The following LOXHD1 variants were observed in gnomAD, a reference collection of about 807,000 sequenced individuals.
The protein encoded by LOXHD1 is lipoxygenase homology PLAT domains 1.
Under a neutral mutation model 248.2 loss-of-function variants are expected in LOXHD1, and 205 were observed. That is an observed-to-expected ratio of 0.83 (90% confidence interval 0.74 to 0.93). The LOEUF (loss-of-function observed/expected upper bound fraction) is 0.93, where lower values mean the gene tolerates loss of function less well. Among genes scored for constraint, LOXHD1 ranks in the 40% least tolerant of loss-of-function variants. The pLI, the probability that LOXHD1 is intolerant of heterozygous loss-of-function variation, is 0.00. For missense variants in LOXHD1, 2,930 were observed against 2,971.6 expected (o/e 0.99, Z 0.33); for synonymous variants, 1,113 against 1,162.8 (o/e 0.96, Z 0.87).
At position 46,509,758 on chromosome 18, in the gene LOXHD1, G is replaced by T; in HGVS notation, c.5457C>A (p.Phe1819Leu). 8 of 1,548,638 alleles carry T rather than the reference G, an allele frequency of 5.2e-6. No individual in the cohort carries two copies. Among genetic ancestry groups the T allele is most frequent in the Non-Finnish European group, 6.1e-6 (7 of 1,145,130 alleles). ...CATCAATCCGGATCCGCATCTTGGT[G>T]AATGGAGCAATGTCTAGGATCTCCA... ...FIMEILDIAP[F>L]TKMRIRIDGL... The change falls in exon 35 of 41, where the codon TTC (phenylalanine) becomes TTA (leucine). Residue 1819 changes from phenylalanine (F) to leucine (L), a missense_variant. Physicochemically the swap from Phe to Leu is conservative, Grantham distance 22. Coordinates refer to ENST00000642948, the MANE Select transcript of LOXHD1 (RefSeq NM_001384474.1).
chr18:46,587,961 A>G (rs2038093503), intron 12 of LOXHD1, among the ~76,000 whole-genome samples: 1 of 152,150 alleles, frequency 6.6e-6, no homozygotes, highest in Non-Finnish European at 1.5e-5. Context: ...TTAATTTGTA[A>G]GTAAACCAGA....
chr18:46,599,417 AT>A (rs577227413), intron 8 of LOXHD1, among the ~76,000 whole-genome samples: 62 of 152,160 alleles, frequency 4.1e-4, no homozygotes, highest in Non-Finnish European at 7.8e-4. Flanking sequence ...ATGGAAAAAA[AT>A]AAAATTGAAT....
chr18:46,601,808 C>A, intron 7 of LOXHD1: 1 of 326,272 alleles, frequency 3.1e-6, no homozygotes, highest in Non-Finnish European at 6.0e-6. Flanking sequence ...ACCATGCGTA[C>A]ATTATTAATA....
At chr18:46,530,738 C>T (rs2036029101) in intron 28 of LOXHD1, among the ~76,000 whole-genome samples, 1 of 152,150 alleles carries the variant, frequency 6.6e-6, no homozygotes, top group Admixed American at 6.5e-5. Context: ...CAGCAGGGTT[C>T]CCATGATTTT....
chr18:46,517,517 T>C (rs1231439461), intron 34 of LOXHD1, among the ~76,000 whole-genome samples: 2 of 152,208 alleles, frequency 1.3e-5, no homozygotes, highest in East Asian at 3.8e-4. Flanking sequence ...AGAACAATGC[T>C]TGGCACAAAA....
In LOXHD1 at chr18:46,529,338, A is replaced by T; in HGVS notation, c.4376-7T>A. 1 of 1,532,562 alleles carries T rather than the reference A, an allele frequency of 6.5e-7. No individual in the cohort carries two copies. Among genetic ancestry groups the T allele is most frequent in the Non-Finnish European group, 8.8e-7 (1 of 1,133,436 alleles). The allele number at this position is 1,532,562 out of a possible 1,614,324, so 94.9% of individuals were successfully genotyped here. On this transcript the variant is annotated splice_region_variant and splice_polypyrimidine_tract_variant and intron_variant, in intron 28 of 40. Coordinates refer to ENST00000642948, the MANE Select transcript of LOXHD1 (RefSeq NM_001384474.1). Reference sequence around the variant, plus strand: ...TGCACCGAGTACAGCACAACTGGGCAGGTGGTGGGACAGACAGACAGACAA... The same window carrying T: ...TGCACCGAGTACAGCACAACTGGGCTGGTGGTGGGACAGACAGACAGACAA...
rs375470899 is a variant in LOXHD1 at position 46,564,933 on chromosome 18, T to A, written c.2437+1324A>T. On this transcript the variant is annotated intron_variant, in intron 17 of 40. Transcript: ENST00000642948. The stretch of plus-strand genomic sequence containing the variant: ...CCTCTCAGGGAAGCTGCTGTGGAAG[T>A]GAGCCTTGGGCAGTTGCTTTCAGGG... Among the ~76,000 whole-genome samples the A allele has an allele frequency of 2.6e-5, 4 of 152,298 alleles. No individual in the cohort carries two copies. In the East Asian group the frequency reaches 5.8e-4, roughly 22 times the overall value.
intron 21 of LOXHD1, among the ~76,000 whole-genome samples, chr18:46,549,712 G>A (rs201384122): frequency 7.0e-6 from 1 of 143,812 alleles, no homozygotes; most frequent in African/African-American, 3.0e-5. Context: ...ATAACTTTTT[G>A]TTCAACCCTT....
chr18:46,490,667 G>A (rs970136232), intron 37 of LOXHD1, among the ~76,000 whole-genome samples: 1 of 152,090 alleles, frequency 6.6e-6, no homozygotes, highest in Non-Finnish European at 1.5e-5. Flanking sequence ...TAGGGACAGG[G>A]TTTCTCCATG....
chr18:46,610,099 G>C (rs1016315822), intron 6 of LOXHD1, among the ~76,000 whole-genome samples: 12 of 152,148 alleles, frequency 7.9e-5, no homozygotes, highest in African/African-American at 2.7e-4. Flanking sequence ...AAGCAAGCAG[G>C]GTTCTAAAGT....
intron 37 of LOXHD1, among the ~76,000 whole-genome samples, chr18:46,490,493 G>A (rs2033387483): frequency 6.6e-6 from 1 of 152,214 alleles, no homozygotes; most frequent in Admixed American, 6.5e-5. Flanking sequence ...ATTTATTTAT[G>A]AGACGGAGTT....
intron 25 of LOXHD1, among the ~76,000 whole-genome samples, chr18:46,539,329 T>G (rs567865174): frequency 1.3e-5 from 2 of 152,142 alleles, no homozygotes; most frequent in Non-Finnish European, 2.9e-5. Context: ...GACGTGGCGG[T>G]GGGTATCTGT....
chr18:46,505,270 C>A lies in LOXHD1; in HGVS notation c.5878+568G>T, dbSNP rs573103690. On this transcript the variant is annotated intron_variant, in intron 37 of 40. Coordinates refer to ENST00000642948, the MANE Select transcript of LOXHD1 (RefSeq NM_001384474.1). ...AATCATAGCTCACTGCAGCCATGAC[C>A]TCCTGGGCTCAGGCAATCCTCCCAT... Among the ~76,000 whole-genome samples, 12 of 152,150 alleles carry A rather than the reference C, an allele frequency of 7.9e-5. No homozygotes were observed. The South Asian group carries it at 2.5e-3, about 32-fold the overall frequency.
At position 46,489,067 on chromosome 18, in the gene LOXHD1, C is replaced by T. The variant is rs1391597161; in HGVS notation, c.5954G>A (p.Cys1985Tyr). Residue 1985 changes from cysteine to tyrosine, a missense_variant, in exon 38 of 41, where the codon TGT becomes TAT. Transcript: ENST00000642948. Reference sequence around the variant, plus strand: ...CTCACTCTTGGAGAGCCAGCAGTCACACTGGAAGTGGAAGGTCTCGTCGCG... The same window carrying T: ...CTCACTCTTGGAGAGCCAGCAGTCATACTGGAAGTGGAAGGTCTCGTCGCG... Reference protein sequence around the residue: ...NSRDETFHFQCDCWLSKSEGD... With the variant: ...NSRDETFHFQYDCWLSKSEGD... 3 of 1,551,622 alleles carry T rather than the reference C, an allele frequency of 1.9e-6. No individual in the cohort carries two copies. Among genetic ancestry groups the T allele is most frequent in the Non-Finnish European group, 8.7e-7 (1 of 1,147,006 alleles).
At chr18:46,500,725 C>T (rs2143808885) in intron 37 of LOXHD1, among the ~76,000 whole-genome samples, 1 of 152,280 alleles carries the variant, frequency 6.6e-6, no homozygotes, top group East Asian at 1.9e-4. Context: ...GCTTCCACCC[C>T]TATTCCCTAT....
At chr18:46,562,054 G>A (rs1172596760) in intron 18 of LOXHD1, among the ~76,000 whole-genome samples, 1 of 152,220 alleles carries the variant, frequency 6.6e-6, no homozygotes, top group South Asian at 2.1e-4. Context: ...ATTGACTCTT[G>A]ATCATTACAG....
chr18:46,574,745 G>T lies in LOXHD1; in HGVS notation c.1971-2583C>A, dbSNP rs556628309. ...ATCAGCACCACTGTGTCTTTAATGG[G>T]CTCCTTTCAAAGTACAATACCCTCA... On this transcript the variant is annotated intron_variant, in intron 14 of 40. Coordinates refer to ENST00000642948, the MANE Select transcript of LOXHD1 (RefSeq NM_001384474.1). Among the ~76,000 whole-genome samples the T allele has an allele frequency of 2.6e-5, 4 of 152,116 alleles. No homozygotes were observed. In the East Asian group the frequency reaches 7.7e-4, roughly 29 times the overall value.
intron 18 of LOXHD1, 108 bp downstream of exon 18, chr18:46,562,956 GC>G (rs1231817407): frequency 7.7e-7 from 1 of 1,295,240 alleles, no homozygotes; most frequent in Non-Finnish European, 1.0e-6. Flanking sequence ...CTGGAGGGAG[GC>G]AGCCCATTCT....
chr18:46,615,633 C>G (rs2038575430), intron 5 of LOXHD1, among the ~76,000 whole-genome samples: 2 of 151,994 alleles, frequency 1.3e-5, no homozygotes, highest in African/African-American at 4.8e-5. Context: ...TGTATATGTT[C>G]ATTATATGCT....
Sources: gnomAD v4.1 joint callset for allele counts (sites outside exome capture counted in the v4.1 genomes callset) on GRCh38, gnomAD v4.1.1 for gene constraint, MANE v1.5 for transcripts, NCBI Gene and HGNC (gene_info 2026-07-23, HGNC 2026-07-21) for gene names.